Variants in BABAM2 observed in about 807,000 individuals in gnomAD.
BABAM2 encodes BRISC and BRCA1 A complex member 2, also known as BRISC and BRCA1-A complex member 2.
In BABAM2, 31 loss-of-function variants were observed where a neutral mutation model predicts 54.7. The observed-to-expected ratio is 0.57, with a 90% CI of 0.43 to 0.77. The LOEUF (loss-of-function observed/expected upper bound fraction) is 0.77. Among genes scored for constraint, BABAM2 ranks in the 30% least tolerant of loss-of-function variants. The pLI is 0.00. For missense variants in BABAM2, 364 were observed against 455.8 expected (o/e 0.80, Z 1.83); for synonymous variants, 167 against 162.9 (o/e 1.03, Z -0.19).
chr2:27,985,595 T>C (rs1405439342), intron 3 of BABAM2, among the ~76,000 whole-genome samples: 1 of 152,214 alleles, frequency 6.6e-6, no homozygotes, highest in Non-Finnish European at 1.5e-5. Flanking sequence ...TGAGTGTTTA[T>C]TGAATATATT....
chr2:28,229,696 T>C (rs904319008), intron 7 of BABAM2, among the ~76,000 whole-genome samples: 3 of 152,070 alleles, frequency 2.0e-5, no homozygotes, highest in Non-Finnish European at 4.4e-5. Context: ...GTGATTCTTC[T>C]GCCTCAGCCT....
chr2:28,337,830 G>C (rs1288212988), intron 11 of BABAM2, among the ~76,000 whole-genome samples: 1 of 152,016 alleles, frequency 6.6e-6, no homozygotes, highest in South Asian at 2.1e-4. Flanking sequence ...GTGAAAAAAT[G>C]AAAAAACAAT....
intron 6 of BABAM2, among the ~76,000 whole-genome samples, chr2:28,093,907 C>T (rs1294822176): frequency 6.6e-6 from 1 of 152,104 alleles, no homozygotes; most frequent in Non-Finnish European, 1.5e-5. Flanking sequence ...ATTAATGCTG[C>T]TGACAGATTG....
At chr2:28,067,316 A>G (rs1663694864) in intron 6 of BABAM2, among the ~76,000 whole-genome samples, 1 of 152,202 alleles carries the variant, frequency 6.6e-6, no homozygotes, top group Non-Finnish European at 1.5e-5. Context: ...GATCTATAAT[A>G]ATAGCTCTTG....
At position 28,142,530 on chromosome 2, in the gene BABAM2, A is replaced by G. The variant is rs544029264; in HGVS notation, c.680+13150A>G. Among the ~76,000 whole-genome samples, 6 of 152,136 alleles carry G rather than the reference A, an allele frequency of 3.9e-5. No homozygotes were observed. The South Asian group carries it at 1.2e-3, about 32-fold the overall frequency. On this transcript the variant is annotated intron_variant, in intron 7 of 11. Transcript: ENST00000379624. ...CTGCATGCAAAGAATTTTCCCTCCC[A>G]CTTTTTAATCCCTCCTCTCCCTACT...
At chr2:28,012,834 C>T (rs1484060845) in intron 4 of BABAM2, among the ~76,000 whole-genome samples, 1 of 152,284 alleles carries the variant, frequency 6.6e-6, no homozygotes, top group African/African-American at 2.4e-5. Context: ...AGGAATTTGC[C>T]TACTTTCTTT....
chr2:27,998,225 G>A (rs1673313664), intron 4 of BABAM2, among the ~76,000 whole-genome samples: 2 of 151,964 alleles, frequency 1.3e-5, no homozygotes, highest in South Asian at 2.1e-4. Flanking sequence ...TTGGTTGGTC[G>A]TCTCTCGTCA....
At chr2:28,090,238 G>A (rs1666043165) in intron 6 of BABAM2, among the ~76,000 whole-genome samples, 1 of 152,050 alleles carries the variant, frequency 6.6e-6, no homozygotes, top group Non-Finnish European at 1.5e-5. Flanking sequence ...CCTTGAGAAA[G>A]GTAAATTATC....
chr2:27,972,132 C>T (rs1179224915), intron 3 of BABAM2, among the ~76,000 whole-genome samples: 1 of 152,122 alleles, frequency 6.6e-6, no homozygotes, highest in African/African-American at 2.4e-5. Flanking sequence ...TATATTATCT[C>T]TGATACACAT....
chr2:28,181,909 T>C (rs1345989733), intron 7 of BABAM2, among the ~76,000 whole-genome samples: 1 of 151,558 alleles, frequency 6.6e-6, no homozygotes, highest in Non-Finnish European at 1.5e-5. Flanking sequence ...ACTGCGAAAG[T>C]GACATTTGAG....
At chr2:27,942,887 C>T (rs1162961176) in intron 3 of BABAM2, among the ~76,000 whole-genome samples, 2 of 151,862 alleles carry the variant, frequency 1.3e-5, no homozygotes, top group African/African-American at 4.8e-5. Context: ...CACTGCAGCT[C>T]TGACCTCACT....
rs369241053 is a variant in BABAM2, at chr2:27,944,638, C to T, written c.205+14730C>T. 1.8e-4 allele frequency among the ~76,000 whole-genome samples: 28 copies of T among 152,070 alleles called. No individual in the cohort carries two copies. In the East Asian group the frequency reaches 4.2e-3, roughly 23 times the overall value. On this transcript the variant is annotated intron_variant, in intron 3 of 11. Coordinates refer to ENST00000379624, the MANE Select transcript of BABAM2 (RefSeq NM_199191.3). ...ATTTATTCATCCATTGAAGGACATTCGGATTTTTTTTTCTATTTTTTGGCT... is the reference window on the plus strand; with the variant it reads ...ATTTATTCATCCATTGAAGGACATTTGGATTTTTTTTTCTATTTTTTGGCT...
intron 7 of BABAM2, among the ~76,000 whole-genome samples, chr2:28,181,793 T>A (rs10205347): frequency 0.28 from 42,047 of 148,722 alleles, 6,520 homozygotes; most frequent in East Asian, 0.63. Flanking sequence ...AATTTTTTTT[T>A]TAAAAAAAAA....
chr2:28,037,374 A>G (rs1181738082), intron 5 of BABAM2, among the ~76,000 whole-genome samples: 2 of 152,152 alleles, frequency 1.3e-5, no homozygotes, highest in South Asian at 2.1e-4. Context: ...TTTTTTCTGT[A>G]TAAACATATA....
At chr2:28,207,072 G>T (rs1678922716) in intron 7 of BABAM2, among the ~76,000 whole-genome samples, 1 of 152,228 alleles carries the variant, frequency 6.6e-6, no homozygotes, top group African/African-American at 2.4e-5. Context: ...AGGAATTGAA[G>T]CCAGTCGTTC....
intron 10 of BABAM2, among the ~76,000 whole-genome samples, chr2:28,273,808 TAGTC>T (rs1685642760): frequency 6.6e-6 from 1 of 152,206 alleles, no homozygotes; most frequent in Admixed American, 6.5e-5. Flanking sequence ...GCACCCATCT[TAGTC>T]AGGAAACTGG....
At chr2:27,888,789 T>TA (rs11298702), upstream of BABAM2, among the ~76,000 whole-genome samples, 1,545 of 151,706 alleles carry the variant, frequency 0.01, 25 homozygotes, top group African/African-American at 0.035. Context: ...AAAATGTTGT[T>TA]AAAAAAAAAT....
chr2:27,935,663 G>A (rs1668433425), intron 3 of BABAM2, among the ~76,000 whole-genome samples: 2 of 152,150 alleles, frequency 1.3e-5, no homozygotes, highest in African/African-American at 4.8e-5. Flanking sequence ...CAATTCTATC[G>A]GACAGTATCT....
chr2:28,248,197 TTTTC>T (rs1404234782), intron 10 of BABAM2, among the ~76,000 whole-genome samples: 3 of 41,056 alleles, frequency 7.3e-5, no homozygotes, highest in African/African-American at 1.7e-4. Flanking sequence ...CTTTTGTTTA[TTTTC>T]TTTTTCTTTT....
Sources: gnomAD v4.1 joint callset for allele counts (sites outside exome capture counted in the v4.1 genomes callset) on GRCh38, gnomAD v4.1.1 for gene constraint, MANE v1.5 for transcripts, NCBI Gene and HGNC (gene_info 2026-07-23, HGNC 2026-07-21) for gene names.